Variants in PIEZO1 observed in about 807,000 individuals in gnomAD.
The protein encoded by PIEZO1 is piezo-type mechanosensitive ion channel component 1.
PIEZO1 carries 296 observed loss-of-function variants against 297.2 expected under a neutral mutation model. The observed-to-expected ratio is 1.00, with a 90% CI of 0.91 to 1.10. PIEZO1 has a LOEUF of 1.10. PIEZO1 is among the 50% of genes least tolerant of loss of function. The pLI, the probability that PIEZO1 is intolerant of heterozygous loss-of-function variation, is 0.00. For synonymous variants in PIEZO1, 2,427 were observed against 1,507.5 expected, an observed-to-expected ratio of 1.61 and a Z score of -14.13; for missense variants, 5,018 against 3,455.5, an observed-to-expected ratio of 1.45 and a Z score of -11.34.
chr16:88,756,379 T>G (rs546583993), intron 1 of PIEZO1, among the ~76,000 whole-genome samples: 18 of 151,828 alleles, frequency 1.2e-4, no homozygotes, highest in Non-Finnish European at 2.2e-4. Flanking sequence ...TGGCCACTGA[T>G]GGGGCGGGGT....
Position 88,721,375 on chromosome 16 carries a change from C to G in PIEZO1, c.5459G>C (p.Ser1820Thr). The change falls in exon 39 of 51, where the codon AGC (serine) becomes ACC (threonine). Residue 1820 changes from serine to threonine, a missense_variant. Transcript: ENST00000301015. ...CTCGGCTCCCTGCTCCTCCTCGCCGCTCTTGTCATGCTCCTTGGATGGTGA... is the reference window on the plus strand; with the variant it reads ...CTCGGCTCCCTGCTCCTCCTCGCCGGTCTTGTCATGCTCCTTGGATGGTGA... Reference protein sequence around the residue: ...EDSPSKEHDKSGEEEQGAEEG... With the variant: ...EDSPSKEHDKTGEEEQGAEEG... 3 of 1,549,888 alleles carry G rather than the reference C, an allele frequency of 1.9e-6. No individual in the cohort carries two copies. The East Asian group carries it at 7.3e-5, about 38-fold the overall frequency.
At chr16:88,770,709 G>C (rs1272606324) in intron 1 of PIEZO1, among the ~76,000 whole-genome samples, 2 of 152,230 alleles carry the variant, frequency 1.3e-5, no homozygotes, top group African/African-American at 4.8e-5. Flanking sequence ...CCGGCTGGCA[G>C]CCCAGCCGCA....
At chr16:88,744,603 G>A (rs555733793) in intron 2 of PIEZO1, among the ~76,000 whole-genome samples, 3 of 150,722 alleles carry the variant, frequency 2.0e-5, no homozygotes, top group Admixed American at 6.6e-5. Context: ...CAGGATGTCC[G>A]TCTCTGGCTA....
intron 1 of PIEZO1, among the ~76,000 whole-genome samples, chr16:88,774,941 G>A (rs1907590983): frequency 6.6e-6 from 1 of 152,222 alleles, no homozygotes; most frequent in Non-Finnish European, 1.5e-5. Flanking sequence ...AGGAAAAACA[G>A]GCGCAAAGAT....
At chr16:88,779,177 T>C (rs1193640544) in intron 1 of PIEZO1, among the ~76,000 whole-genome samples, 6 of 151,790 alleles carry the variant, frequency 4.0e-5, no homozygotes, top group African/African-American at 1.5e-4. Context: ...CAGCTGGGAA[T>C]ACAGGTGCCC....
At chr16:88,766,776 C>A (rs1032112796) in intron 1 of PIEZO1, among the ~76,000 whole-genome samples, 9 of 152,254 alleles carry the variant, frequency 5.9e-5, no homozygotes, top group Non-Finnish European at 1.0e-4. Context: ...TCCCCAGGAT[C>A]ACCAGCCCCA....
chr16:88,754,910 G>A (rs146431568), intron 1 of PIEZO1, among the ~76,000 whole-genome samples: 229 of 152,362 alleles, frequency 1.5e-3, no homozygotes, highest in African/African-American at 5.1e-3. Context: ...CCGGCGTGCC[G>A]TCCCGCTCCA....
rs1457660734 is a variant in PIEZO1, at chr16:88,722,987, C to G, written c.4518G>C (p.Arg1506Ser). 4 of 1,548,204 alleles carry G rather than the reference C, an allele frequency of 2.6e-6. No individual in the cohort carries two copies. The highest frequency in any genetic ancestry group is 2.4e-5 in the South Asian group (2 of 84,050). Residue 1506 changes from arginine to serine, a missense_variant, in exon 34 of 51, where the codon AGG becomes AGC. Arg to Ser is a moderately radical substitution (Grantham distance 110). Coordinates refer to ENST00000301015, the MANE Select transcript of PIEZO1 (RefSeq NM_001142864.4). ...ACAGGAACTGCGCCGTGCTCAGCAC[C>G]CTCTGCACCACATGGCTCCGGCCTG... ...AAAGRSHVVQ[R>S]VLSTAQFLWM...
At chr16:88,756,532 T>C (rs1567686943) in intron 1 of PIEZO1, among the ~76,000 whole-genome samples, 3 of 151,816 alleles carry the variant, frequency 2.0e-5, no homozygotes, top group African/African-American at 7.3e-5. Context: ...GGCGGGAAGA[T>C]GGCTCAAGCC....
At chr16:88,735,868 G>A (rs1438676307) in intron 12 of PIEZO1, among the ~76,000 whole-genome samples, 3 of 151,978 alleles carry the variant, frequency 2.0e-5, no homozygotes, top group South Asian at 2.1e-4. Flanking sequence ...ACACAGTGTC[G>A]GGGCACAGGG....
chr16:88,741,258 T>C, intron 5 of PIEZO1: 136 of 418,252 alleles, frequency 3.3e-4, no homozygotes, highest in South Asian at 1.3e-3. Context: ...GGCGTGGAGG[T>C]TTCTGACTAG....
rs1393105423 is a variant in PIEZO1, at chr16:88,719,425, C to A, written c.6471+149G>T. ...CCAAGATCACTGGCCTCGTGATCAG[C>A]TAGTGGGTGGGCTCGCCTCATGTCC... is the stretch of plus-strand genomic sequence containing the variant. On this transcript the variant is annotated intron_variant, in intron 44 of 50. Transcript: ENST00000301015. 3 of 676,250 alleles carry A rather than the reference C, an allele frequency of 4.4e-6. No homozygotes were observed. The African/African-American group carries it at 5.4e-5, about 12-fold the overall frequency. The allele number at this position is 676,250 out of a possible 1,614,324, so 41.9% of individuals were successfully genotyped here. A position where few individuals can be genotyped will look rare whatever the true frequency, so the allele number is the denominator to read the frequency against.
intron 8 of PIEZO1, 30 bp from the exon 9 acceptor site, chr16:88,737,844 C>T (rs1007820205): frequency 1.7e-5 from 26 of 1,534,344 alleles, no homozygotes; most frequent in Admixed American, 1.2e-4. Flanking sequence ...GAGCCCAAAC[C>T]AGCTCCACAC....
At chr16:88,751,245 C>A (rs933960872) in intron 1 of PIEZO1, among the ~76,000 whole-genome samples, 1 of 152,214 alleles carries the variant, frequency 6.6e-6, no homozygotes, top group South Asian at 2.1e-4. Context: ...GAGACCCCGA[C>A]CTCCACGGAC....
chr16:88,735,566 T>G (rs1905156015), intron 12 of PIEZO1, among the ~76,000 whole-genome samples: 1 of 152,266 alleles, frequency 6.6e-6, no homozygotes, highest in Non-Finnish European at 1.5e-5. Context: ...CTGGAGTGCA[T>G]GTTTGCCCAC....
rs977657640 is a variant in PIEZO1 at position 88,733,700 on chromosome 16, G to C, written c.2375C>G (p.Ala792Gly). 1 of 1,548,860 alleles carries C rather than the reference G, an allele frequency of 6.5e-7. No homozygotes were observed. The highest frequency in any genetic ancestry group is 8.7e-7 in the Non-Finnish European group (1 of 1,146,134). Residue 792 changes from alanine (A) to glycine (G), a missense_variant, in exon 18 of 51, where the codon GCA becomes GGA. Ala to Gly is a moderately conservative substitution (Grantham distance 60, BLOSUM62 0). Coordinates refer to ENST00000301015, the MANE Select transcript of PIEZO1 (RefSeq NM_001142864.4). ...GLVAERLLEL[A>G]AGFSDVLSRV... ...TGAGAGGACGTCCGAGAAGCCGGCT[G>C]CCAGCTCCAGCAGCCGCTCAGCCAC...
At position 88,738,354 on chromosome 16, in the gene PIEZO1, T is replaced by C. The variant is rs1357528897; in HGVS notation, c.721A>G (p.Ser241Gly). 4.6e-6 allele frequency: 7 copies of C among 1,535,754 alleles called. No individual in the cohort carries two copies. Among genetic ancestry groups the C allele is most frequent in the Non-Finnish European group, 5.2e-6 (6 of 1,146,826 alleles). ...CTWWACHFPISTRGFSRLCVA... is the reference protein window; with the variant it reads ...CTWWACHFPIGTRGFSRLCVA... ...CAGAGTCTGCTGAAGCCCCGAGTGCTGATGGGAAAGTGGCAGGCCCACCAG... is the reference window on the plus strand; with the variant it reads ...CAGAGTCTGCTGAAGCCCCGAGTGCCGATGGGAAAGTGGCAGGCCCACCAG... Residue 241 changes from serine to glycine, a missense_variant, in exon 7 of 51, where the codon AGC becomes GGC. Physicochemically the swap from Ser to Gly is moderately conservative, Grantham distance 56 (BLOSUM62 0). Transcript: ENST00000301015.
chr16:88,727,337 T>G lies in PIEZO1; in HGVS notation c.3302-145A>C, dbSNP rs1272048861. Reference sequence around the variant, plus strand: ...GTCTGCCTGGGTGAGTGGCCGGGTGTCCCTGGGGGAGCCCCGGTGTGAGGG... The same window carrying G: ...GTCTGCCTGGGTGAGTGGCCGGGTGGCCCTGGGGGAGCCCCGGTGTGAGGG... On this transcript the variant is annotated intron_variant, in intron 23 of 50. Transcript: ENST00000301015. 7.2e-6 allele frequency: 7 copies of G among 970,800 alleles called. No individual in the cohort carries two copies. The East Asian group carries it at 1.9e-4, about 26-fold the overall frequency. 60.1% of individuals were successfully genotyped at this position (970,800 alleles called of 1,614,324 possible).
At chr16:88,782,269 C>A (rs1434227301) in intron 1 of PIEZO1, among the ~76,000 whole-genome samples, 1 of 152,124 alleles carries the variant, frequency 6.6e-6, no homozygotes, top group East Asian at 1.9e-4. Flanking sequence ...TACCACCATG[C>A]CCAGCTAATT....
Sources: gnomAD v4.1 joint callset for allele counts (sites outside exome capture counted in the v4.1 genomes callset) on GRCh38, gnomAD v4.1.1 for gene constraint, MANE v1.5 for transcripts, NCBI Gene and HGNC (gene_info 2026-07-23, HGNC 2026-07-21) for gene names.